The following CCSER1 variants were observed in gnomAD, a reference collection of about 807,000 sequenced individuals.
CCSER1 encodes the protein serine-rich coiled-coil domain-containing protein 1.
CCSER1 carries 41 observed loss-of-function variants against 82.0 expected under a neutral mutation model. The observed-to-expected ratio is 0.50, with a 90% CI of 0.39 to 0.65. The LOEUF is 0.65. CCSER1 is among the 30% of genes least tolerant of loss of function. The probability of loss-of-function intolerance (pLI) is 0.00; values close to 1 mark genes in which losing one functional copy is unlikely to be tolerated. For missense variants in CCSER1, 1,119 were observed against 1,064.2 expected (o/e 1.05, Z -0.72); for synonymous variants, 414 against 383.9 (o/e 1.08, Z -0.92).
chr4:91,188,468 G>A (rs975685395), intron 10 of CCSER1, among the ~76,000 whole-genome samples: 3 of 152,156 alleles, frequency 2.0e-5, no homozygotes, highest in South Asian at 2.1e-4. Context: ...TTGTTTGGAA[G>A]CACTGAGGGC....
At chr4:91,556,695 G>T (rs1762424234) in intron 10 of CCSER1, among the ~76,000 whole-genome samples, 2 of 151,042 alleles carry the variant, frequency 1.3e-5, no homozygotes, top group African/African-American at 4.9e-5. Flanking sequence ...GGGCTTTCCT[G>T]TGAGAATATT....
Position 90,884,869 on chromosome 4 carries a change from A to G in CCSER1, c.2095-38501A>G, listed in dbSNP as rs149845306. 2.5e-3 allele frequency among the ~76,000 whole-genome samples: 377 copies of G among 152,280 alleles called. 3 individuals are homozygous for G. In the East Asian group the frequency reaches 0.029, roughly 12 times the overall value. On this transcript the variant is annotated intron_variant, in intron 8 of 10. Coordinates refer to ENST00000509176, the MANE Select transcript of CCSER1 (RefSeq NM_001145065.2). ...CATTTTATAGATTGAAGCAATGGGC[A>G]GATAAAGAAGGATGATTTTTGAAAT...
intron 6 of CCSER1, among the ~76,000 whole-genome samples, chr4:90,652,244 A>T (rs1441922013): frequency 1.3e-5 from 2 of 152,262 alleles, no homozygotes; most frequent in South Asian, 2.1e-4. Flanking sequence ...TAGGAATATA[A>T]TTTTTGTATT....
intron 10 of CCSER1, among the ~76,000 whole-genome samples, chr4:91,197,736 C>A (rs1282834949): frequency 1.3e-5 from 2 of 152,154 alleles, no homozygotes; most frequent in Non-Finnish European, 2.9e-5. Flanking sequence ...GACAGCAGCA[C>A]TCTAACCCCT....
At chr4:91,339,133 G>A (rs1014957541) in intron 10 of CCSER1, among the ~76,000 whole-genome samples, 9 of 152,060 alleles carry the variant, frequency 5.9e-5, no homozygotes, top group Non-Finnish European at 1.0e-4. Context: ...AGGAATTTTG[G>A]TATAGGAAAC....
At chr4:90,892,199 T>A (rs1455087443) in intron 8 of CCSER1, among the ~76,000 whole-genome samples, 1 of 152,092 alleles carries the variant, frequency 6.6e-6, no homozygotes, top group Non-Finnish European at 1.5e-5. Context: ...GTAGAGTTTT[T>A]TTGATAATTA....
rs1264679588 is a variant in CCSER1 at position 91,013,987 on chromosome 4, A to AT, written c.2173-71959dup. 2.3e-5 allele frequency among the ~76,000 whole-genome samples: 3 copies of AT among 132,010 alleles called. 1 individual carries two copies. The highest frequency in any genetic ancestry group is 7.5e-5 in the African/African-American group (3 of 39,936). The allele number at this position is 132,010 out of a possible 152,430, so 86.6% of individuals were successfully genotyped here. ...GTATTTCTGAAAAAAATGCCAAGGG[A>AT]TTTTCATAGGAATTGTGAACCAAAT... On this transcript the variant is annotated intron_variant, in intron 9 of 10. Coordinates refer to ENST00000509176, the MANE Select transcript of CCSER1 (RefSeq NM_001145065.2).
intron 9 of CCSER1, among the ~76,000 whole-genome samples, chr4:90,945,388 C>G (rs956763208): frequency 3.3e-5 from 5 of 152,052 alleles, no homozygotes; most frequent in African/African-American, 1.2e-4. Context: ...GTCTTTCTTT[C>G]AGTTATACTA....
chr4:90,837,905 A>G (rs1762009271), intron 8 of CCSER1, among the ~76,000 whole-genome samples: 1 of 152,162 alleles, frequency 6.6e-6, no homozygotes, highest in South Asian at 2.1e-4. Context: ...CATAAGATAG[A>G]TTTGAGGATA....
chr4:91,467,670 C>G (rs775671222), intron 10 of CCSER1, among the ~76,000 whole-genome samples: 1 of 152,136 alleles, frequency 6.6e-6, no homozygotes. Context: ...AAACAAACAA[C>G]CCCATCAAAA....
chr4:91,363,327 AGATT>A (rs1479175822), intron 10 of CCSER1, among the ~76,000 whole-genome samples: 2 of 150,374 alleles, frequency 1.3e-5, no homozygotes, highest in East Asian at 1.9e-4. Flanking sequence ...GAAGTAATCT[AGATT>A]GATTGAAGCA....
intron 1 of CCSER1, among the ~76,000 whole-genome samples, chr4:90,287,283 A>G (rs1019073962): frequency 1.3e-5 from 2 of 152,014 alleles, no homozygotes; most frequent in Non-Finnish European, 2.9e-5. Context: ...AGTAAAATGT[A>G]TAAGTTACTT....
At chr4:90,244,908 A>G (rs1299735108) in intron 1 of CCSER1, among the ~76,000 whole-genome samples, 1 of 152,198 alleles carries the variant, frequency 6.6e-6, no homozygotes, top group Non-Finnish European at 1.5e-5. Context: ...AATGAGCTTT[A>G]GAGTCACACG....
intron 7 of CCSER1, among the ~76,000 whole-genome samples, chr4:90,761,355 T>A (rs545719487): frequency 6.4e-4 from 97 of 152,254 alleles, no homozygotes; most frequent in African/African-American, 2.2e-3. Flanking sequence ...TTTAAACAGG[T>A]GTTCTTTAAG....
intron 10 of CCSER1, among the ~76,000 whole-genome samples, chr4:91,536,808 T>G (rs1761320757): frequency 6.6e-6 from 1 of 152,044 alleles, no homozygotes; most frequent in Admixed American, 6.6e-5. Flanking sequence ...CCCTTATAGT[T>G]CCCTATGTTT....
chr4:90,415,922 C>T (rs1213842445), intron 4 of CCSER1, among the ~76,000 whole-genome samples: 1 of 152,142 alleles, frequency 6.6e-6, no homozygotes, highest in African/African-American at 2.4e-5. Context: ...CTTACCCTGA[C>T]TTCTGTGTTA....
intron 10 of CCSER1, among the ~76,000 whole-genome samples, chr4:91,513,979 A>T (rs943368776): frequency 1.4e-4 from 21 of 151,524 alleles, no homozygotes; most frequent in Non-Finnish European, 3.1e-4. Flanking sequence ...GATTTCAGTT[A>T]TTTATTTTCT....
At chr4:91,391,177 A>T (rs111579061) in intron 10 of CCSER1, among the ~76,000 whole-genome samples, 1 of 152,118 alleles carries the variant, frequency 6.6e-6, no homozygotes, top group Non-Finnish European at 1.5e-5. Context: ...CTAATATATG[A>T]GTTCTGTGCT....
At chr4:90,263,231 G>C (rs1228702886) in intron 1 of CCSER1, among the ~76,000 whole-genome samples, 1 of 152,192 alleles carries the variant, frequency 6.6e-6, no homozygotes, top group African/African-American at 2.4e-5. Flanking sequence ...TCCCCTAGTA[G>C]TAGGAGTTCC....
Sources: allele counts gnomAD v4.1 joint callset (sites outside exome capture counted in the v4.1 genomes callset), GRCh38; gene constraint gnomAD v4.1.1; transcripts MANE v1.5; gene names NCBI Gene and HGNC (gene_info 2026-07-23, HGNC 2026-07-21).